DNAH8: variants seen among roughly 807,000 people sequenced by gnomAD.
DNAH8 encodes the protein dynein axonemal heavy chain 8.
DNAH8 carries 382 observed loss-of-function variants against 562.1 expected under a neutral mutation model. That is an observed-to-expected ratio of 0.68 (90% confidence interval 0.63 to 0.74). The LOEUF is 0.74. Ranked by LOEUF, DNAH8 falls within the 30% of genes least tolerant of loss-of-function variation. DNAH8 has a pLI of 0.00. For synonymous variants in DNAH8, 1,881 were observed against 1,919.4 expected (o/e 0.98, Z 0.52); for missense variants, 5,203 against 5,620.4 (o/e 0.93, Z 2.37).
intron 26 of DNAH8, among the ~76,000 whole-genome samples, chr6:38,822,616 T>C (rs1772969681): frequency 6.6e-6 from 1 of 152,212 alleles, no homozygotes; most frequent in African/African-American, 2.4e-5. Flanking sequence ...ACAGTTCTTC[T>C]AGATTAAAGA....
At position 38,931,050 on chromosome 6, in the gene DNAH8, G is replaced by A. The variant is rs570763095; in HGVS notation, c.11275-761G>A. ...TATATGACATATTTAATATGCCAAA[G>A]GAGGTTATAGAATCTCTATTCCCGA... is the stretch of plus-strand genomic sequence containing the variant. On this transcript the variant is annotated intron_variant, in intron 75 of 92. Transcript: ENST00000327475. Among the ~76,000 whole-genome samples, 12 of 152,198 alleles carry A rather than the reference G, an allele frequency of 7.9e-5. No individual in the cohort carries two copies. In the East Asian group the frequency reaches 2.1e-3, roughly 27 times the overall value.
At chr6:38,826,059 G>A (rs1159018868) in intron 28 of DNAH8, 97 bp from the exon 29 acceptor site, 2 of 735,182 alleles carry the variant, frequency 2.7e-6, no homozygotes, top group East Asian at 2.7e-5. Context: ...GCCACATGTG[G>A]TTAGTGACTA....
At chr6:38,860,061 C>T (rs1429267063) in intron 42 of DNAH8, among the ~76,000 whole-genome samples, 2 of 152,158 alleles carry the variant, frequency 1.3e-5, no homozygotes, top group Non-Finnish European at 2.9e-5. Context: ...CTTTTGTTCC[C>T]CGCTCCTGGT....
intron 41 of DNAH8, among the ~76,000 whole-genome samples, 153 bp downstream of exon 41, chr6:38,853,500 A>G (rs574290457): frequency 1.3e-5 from 2 of 152,232 alleles, no homozygotes; most frequent in South Asian, 4.2e-4. Context: ...TCAGCTCCCA[A>G]CCACCTGCTT....
At chr6:38,957,866 CA>C (rs1209427701) in intron 82 of DNAH8, among the ~76,000 whole-genome samples, 79 of 75,890 alleles carry the variant, frequency 1.0e-3, no homozygotes, top group East Asian at 1.3e-3. Context: ...ATGCCTACAC[CA>C]AAAAAAAAAA....
intron 56 of DNAH8, among the ~76,000 whole-genome samples, chr6:38,885,975 G>A (rs1778888780): frequency 6.6e-6 from 1 of 152,218 alleles, no homozygotes. Context: ...AGTCATTCAT[G>A]AAATGTTGGT....
chr6:38,874,111 TCCTTCCTCCTTC>T (rs1378393882), intron 52 of DNAH8, among the ~76,000 whole-genome samples: 13 of 65,778 alleles, frequency 2.0e-4, no homozygotes, highest in African/African-American at 5.8e-4. Flanking sequence ...TCTCCTTCCT[TCCTTCCTCCTTC>T]TCTCTTTCTT....
intron 91 of DNAH8, among the ~76,000 whole-genome samples, chr6:39,020,836 A>T (rs1310474225): frequency 6.6e-6 from 1 of 152,164 alleles, no homozygotes; most frequent in Non-Finnish European, 1.5e-5. Context: ...TGTCCCTGCA[A>T]AGGACATGAT....
chr6:38,966,039 A>C (rs972568082), intron 82 of DNAH8, among the ~76,000 whole-genome samples: 6 of 152,204 alleles, frequency 3.9e-5, no homozygotes, highest in African/African-American at 1.4e-4. Flanking sequence ...ATAATAGAAA[A>C]ACAACAAAGA....
At chr6:38,928,287 G>C (rs1327887997) in intron 74 of DNAH8, 1 of 152,170 alleles carries the variant, frequency 6.6e-6, no homozygotes, top group Non-Finnish European at 1.5e-5. Flanking sequence ...AAAAGACATT[G>C]AAGATGACTG....
chr6:38,869,465 G>T (rs1219684211), intron 48 of DNAH8, among the ~76,000 whole-genome samples: 1 of 152,074 alleles, frequency 6.6e-6, no homozygotes, highest in African/African-American at 2.4e-5. Flanking sequence ...GAAATTCCTA[G>T]ACAAGTACTC....
chr6:38,883,926 A>G lies in DNAH8; in HGVS notation c.8187A>G (p.Pro2729=). The change falls in exon 56 of 93, where the codon CCA becomes CCG. Residue 2729 remains proline (P), a synonymous_variant. Transcript: ENST00000327475. ...VDKRIGSTYG[P]PGGRKMTVFI... is the part of the protein sequence containing the mutation. ...AGCGAATTGGAAGCACATATGGGCC[A>G]CCAGGAGGGAGAAAAATGACTGTAT... is the stretch of plus-strand genomic sequence containing the variant. The G allele has an allele frequency of 1.3e-6, 2 of 1,593,540 alleles. No individual in the cohort carries two copies. Among genetic ancestry groups the G allele is most frequent in the East Asian group, 2.3e-5 (1 of 43,816 alleles).
intron 53 of DNAH8, among the ~76,000 whole-genome samples, chr6:38,878,014 G>A (rs886876236): frequency 1.3e-5 from 2 of 152,212 alleles, no homozygotes; most frequent in African/African-American, 4.8e-5. Flanking sequence ...GAAGGCAGAG[G>A]TTGATTTGGG....
Position 38,915,402 on chromosome 6 carries a change from C to T in DNAH8, c.10140+25C>T, listed in dbSNP as rs770955570. ...TGTGAGCAGTGCATTGTTACCCCTT[C>T]CAACACAAGTCCTAGAAGGCTTCAT... On this transcript the variant is annotated intron_variant, in intron 68 of 92. Coordinates refer to ENST00000327475, the MANE Select transcript of DNAH8 (RefSeq NM_001206927.2). The T allele has an allele frequency of 6.0e-6, 9 of 1,500,708 alleles. No homozygotes were observed. The Admixed American group carries it at 2.0e-4, about 34-fold the overall frequency. The allele number at this position is 1,500,708 out of a possible 1,614,324, so 93.0% of individuals were successfully genotyped here.
chr6:38,781,490 C>A, intron 16 of DNAH8, 117 bp downstream of exon 16: 1 of 1,230,386 alleles, frequency 8.1e-7, no homozygotes, highest in Non-Finnish European at 1.1e-6. Flanking sequence ...AATTCTTTTA[C>A]CAGGCAAGGA....
chr6:38,987,863 T>G (rs896357180), intron 87 of DNAH8, among the ~76,000 whole-genome samples: 1 of 152,208 alleles, frequency 6.6e-6, no homozygotes, highest in Non-Finnish European at 1.5e-5. Flanking sequence ...TGAGTTTGGG[T>G]CTCTGGCCCT....
At position 38,828,920 on chromosome 6, in the gene DNAH8, T is replaced by G. The variant is rs550087869; in HGVS notation, c.4188+632T>G. ...CTCTTGCCCCAGCCCTGGCAACCAC[T>G]AATCTACTTTCTGTTTCTGTGGATT... On this transcript the variant is annotated intron_variant, in intron 30 of 92. Transcript: ENST00000327475. 2.6e-5 allele frequency among the ~76,000 whole-genome samples: 4 copies of G among 152,320 alleles called. No homozygotes were observed. In the East Asian group the frequency reaches 7.7e-4, roughly 29 times the overall value.
chr6:38,920,443 AT>A (rs1289271271), intron 70 of DNAH8, among the ~76,000 whole-genome samples: 4 of 152,340 alleles, frequency 2.6e-5, no homozygotes, highest in Non-Finnish European at 4.4e-5. Flanking sequence ...TATTTTACTG[AT>A]TATTTTAAAT....
intron 88 of DNAH8, among the ~76,000 whole-genome samples, chr6:38,993,394 C>G (rs1319572929): frequency 6.6e-6 from 1 of 152,060 alleles, no homozygotes; most frequent in African/African-American, 2.4e-5. Flanking sequence ...ATGCTATCAA[C>G]TGATATATAG....
Sources: gnomAD v4.1 joint callset for allele counts (sites outside exome capture counted in the v4.1 genomes callset) on GRCh38, gnomAD v4.1.1 for gene constraint, MANE v1.5 for transcripts, NCBI Gene and HGNC (gene_info 2026-07-23, HGNC 2026-07-21) for gene names.